The following FAM222B variants were observed in gnomAD, a reference collection of about 807,000 sequenced individuals.
FAM222B encodes family with sequence similarity 222 member B.
A neutral mutation model predicts 38.0 loss-of-function variants in FAM222B; 12 were observed. The observed-to-expected ratio is 0.32, with a 90% CI of 0.20 to 0.51. The LOEUF (loss-of-function observed/expected upper bound fraction) is 0.51. Among genes scored for constraint, FAM222B ranks in the 20% least tolerant of loss-of-function variants. The pLI is 0.97. For missense variants in FAM222B, 716 were observed against 754.2 expected (o/e 0.95, Z 0.59); for synonymous variants, 329 against 317.2 (o/e 1.04, Z -0.40).
At chr17:28,783,093 G>A (rs945921951) in intron 1 of FAM222B, among the ~76,000 whole-genome samples, 6 of 150,402 alleles carry the variant, frequency 4.0e-5, no homozygotes, top group Non-Finnish European at 8.9e-5. Context: ...AGCCAAGATC[G>A]TGCCACTGCA....
At chr17:28,787,074 G>A (rs937415475) in intron 1 of FAM222B, among the ~76,000 whole-genome samples, 16 of 151,988 alleles carry the variant, frequency 1.1e-4, no homozygotes, top group East Asian at 7.8e-4. Context: ...ACAGGCGCCC[G>A]CAACCACGCC....
At chr17:28,799,988 G>T (rs537903436) in intron 1 of FAM222B, among the ~76,000 whole-genome samples, 1 of 150,994 alleles carries the variant, frequency 6.6e-6, no homozygotes, top group Non-Finnish European at 1.5e-5. Flanking sequence ...ATGTAACTAT[G>T]ACTTTGATAA....
intron 1 of FAM222B, among the ~76,000 whole-genome samples, chr17:28,793,107 A>G (rs1441731827): frequency 2.0e-5 from 3 of 151,812 alleles, no homozygotes; most frequent in Middle Eastern, 3.4e-3. Flanking sequence ...GGCTAATTTT[A>G]AAGTTTTTTG....
chr17:28,764,312 T>G (rs898355209), intron 2 of FAM222B, among the ~76,000 whole-genome samples: 3 of 142,786 alleles, frequency 2.1e-5, no homozygotes, highest in Non-Finnish European at 4.5e-5. Flanking sequence ...GCATGGTGGC[T>G]CATGCCTGTA....
intron 2 of FAM222B, among the ~76,000 whole-genome samples, chr17:28,763,476 G>A (rs2035182790): frequency 6.6e-6 from 1 of 152,254 alleles, no homozygotes; most frequent in African/African-American, 2.4e-5. Context: ...GTCTATTCCA[G>A]GATGGACTGG....
intron 1 of FAM222B, among the ~76,000 whole-genome samples, chr17:28,794,135 C>T (rs751185074): frequency 2.0e-5 from 3 of 151,862 alleles, no homozygotes; most frequent in Non-Finnish European, 4.4e-5. Flanking sequence ...ACAAAGGATA[C>T]GAAGGCAGGC....
In FAM222B at chr17:28,758,379, CG is replaced by C. The variant is rs759369115; in HGVS notation, c.1579del (p.Arg527GlufsTer8). On this transcript the variant is annotated frameshift_variant, in exon 3 of 3. Transcript: ENST00000581407. LOFTEE classifies it high-confidence loss of function. ...GCTCAGCATGGCCAGGCTCTGTTCT[CG>C]GAAGCAGGCCTGTTGGAAATCCCCA... ...LSGDFQQACF[R>X]EQSLAMLSKA... The C allele has an allele frequency of 6.2e-7, 1 of 1,613,790 alleles. No homozygotes were observed. Among genetic ancestry groups the C allele is most frequent in the South Asian group, 1.1e-5 (1 of 91,062 alleles).
intron 1 of FAM222B, among the ~76,000 whole-genome samples, chr17:28,781,476 G>A (rs1198096087): frequency 6.6e-6 from 1 of 152,022 alleles, no homozygotes; most frequent in Non-Finnish European, 1.5e-5. Flanking sequence ...ACAGTATGGA[G>A]GTTTCTCACA....
intron 1 of FAM222B, among the ~76,000 whole-genome samples, chr17:28,817,641 C>T (rs1010994805): frequency 6.6e-6 from 1 of 152,094 alleles, no homozygotes; most frequent in African/African-American, 2.4e-5. Flanking sequence ...ATCGCTTGAA[C>T]CCAGGAGGCA....
chr17:28,814,053 T>C (rs2037919648), intron 1 of FAM222B, among the ~76,000 whole-genome samples: 2 of 151,698 alleles, frequency 1.3e-5, no homozygotes, highest in South Asian at 4.1e-4. Flanking sequence ...ACCCCACCTC[T>C]ACCACAAATT....
intron 1 of FAM222B, among the ~76,000 whole-genome samples, chr17:28,796,728 A>G (rs2036955091): frequency 6.6e-6 from 1 of 152,164 alleles, no homozygotes; most frequent in Non-Finnish European, 1.5e-5. Context: ...GATTAAAAAA[A>G]AAAAGAAAGA....
At chr17:28,779,681 G>A in intron 1 of FAM222B, among the ~76,000 whole-genome samples, 1 of 151,942 alleles carries the variant, frequency 6.6e-6, no homozygotes, top group East Asian at 1.9e-4. Flanking sequence ...AACCCCGGAG[G>A]CGGAGCTTGC....
At chr17:28,804,398 G>A (rs777329326) in intron 1 of FAM222B, among the ~76,000 whole-genome samples, 5 of 151,816 alleles carry the variant, frequency 3.3e-5, no homozygotes, top group African/African-American at 7.3e-5. Flanking sequence ...GCAGTGGCGC[G>A]ATCTCGGCTC....
At chr17:28,848,542 C>A (rs905753441) in intron 1 of FAM222B, among the ~76,000 whole-genome samples, 30 of 151,952 alleles carry the variant, frequency 2.0e-4, no homozygotes, top group African/African-American at 6.3e-4. Context: ...AGGTGGATCA[C>A]GAGGTCAGGA....
chr17:28,779,355 A>C (rs1211917890), intron 1 of FAM222B, among the ~76,000 whole-genome samples: 1 of 152,190 alleles, frequency 6.6e-6, no homozygotes, highest in Non-Finnish European at 1.5e-5. Context: ...GATTTATCCC[A>C]GGAATACAAG....
At chr17:28,763,150 G>T (rs1181110380) in intron 2 of FAM222B, among the ~76,000 whole-genome samples, 4 of 152,160 alleles carry the variant, frequency 2.6e-5, no homozygotes, top group Admixed American at 2.0e-4. Context: ...TTTGTAAAGG[G>T]TTAGAGAAAC....
Position 28,759,217 on chromosome 17 carries a change from T to C in FAM222B, c.742A>G (p.Thr248Ala). 2 of 1,613,584 alleles carry C rather than the reference T, an allele frequency of 1.2e-6. No homozygotes were observed. Among genetic ancestry groups the C allele is most frequent in the Non-Finnish European group, 1.7e-6 (2 of 1,179,766 alleles). ...APPNVTVSTS[T>A]IPLSMAATLQ... The stretch of plus-strand genomic sequence containing the variant: ...GTGGCCGCCATTGAAAGGGGGATAG[T>C]TGAGGTAGACACGGTCACATTCGGG... The change falls in exon 3 of 3, where the codon ACT (threonine) becomes GCT (alanine). Residue 248 changes from threonine to alanine, a missense_variant. Thr to Ala is a moderately conservative substitution (Grantham distance 58). Transcript: ENST00000581407. The surrounding 1 kb of genome is among the most constrained non-coding windows in gnomAD (Gnocchi z 4.8).
At chr17:28,761,424 T>C (rs2035066353) in intron 2 of FAM222B, among the ~76,000 whole-genome samples, 1 of 152,172 alleles carries the variant, frequency 6.6e-6, no homozygotes, top group East Asian at 1.9e-4. Flanking sequence ...TAGCCGACTC[T>C]CTCCTTACTT....
At chr17:28,764,391 G>A (rs755697095) in intron 2 of FAM222B, among the ~76,000 whole-genome samples, 9 of 151,908 alleles carry the variant, frequency 5.9e-5, no homozygotes, top group Non-Finnish European at 8.8e-5. Flanking sequence ...GCAGTGAGCC[G>A]AGATCGTGCC....
Sources: allele counts gnomAD v4.1 joint callset (sites outside exome capture counted in the v4.1 genomes callset), GRCh38; gene constraint gnomAD v4.1.1; non-coding constraint Gnocchi (gnomAD v3.1); transcripts MANE v1.5; gene names NCBI Gene and HGNC (gene_info 2026-07-23, HGNC 2026-07-21).